The following CYSTM1 variants were observed in gnomAD, a reference collection of about 807,000 sequenced individuals.
The protein encoded by CYSTM1 is cysteine rich transmembrane module containing 1, also known as cysteine-rich transmembrane module-containing protein 1.
In CYSTM1, 4 loss-of-function variants were observed where a neutral mutation model predicts 13.1. The observed-to-expected ratio is 0.31, with a 90% CI of 0.15 to 0.70. CYSTM1 has a LOEUF of 0.70. CYSTM1 is among the 30% of genes least tolerant of loss of function. The pLI, the probability that CYSTM1 is intolerant of heterozygous loss-of-function variation, is 0.72. For synonymous variants in CYSTM1, 36 were observed against 42.7 expected, an observed-to-expected ratio of 0.84 and a Z score of 0.62; for missense variants, 96 against 121.6, an observed-to-expected ratio of 0.79 and a Z score of 0.99.
intron 1 of CYSTM1, among the ~76,000 whole-genome samples, chr5:140,186,580 T>C (rs1764017671): frequency 6.6e-6 from 1 of 152,240 alleles, no homozygotes; most frequent in South Asian, 2.1e-4. Context: ...TACAGTACGC[T>C]CTGCTTCCTC....
intron 2 of CYSTM1, among the ~76,000 whole-genome samples, chr5:140,208,634 C>CA (rs1764326565): frequency 2.0e-5 from 3 of 152,158 alleles, no homozygotes; most frequent in Admixed American, 2.0e-4. Flanking sequence ...AAGGATACCC[C>CA]ATTCTCTATG....
chr5:140,205,310 T>C (rs1199687776), intron 2 of CYSTM1, among the ~76,000 whole-genome samples: 1 of 152,226 alleles, frequency 6.6e-6, no homozygotes, highest in Non-Finnish European at 1.5e-5. Context: ...TTATGCTGCT[T>C]TCATTAGTCA....
chr5:140,218,223 C>T (rs1403243141), intron 2 of CYSTM1, among the ~76,000 whole-genome samples: 1 of 152,138 alleles, frequency 6.6e-6, no homozygotes, highest in Non-Finnish European at 1.5e-5. Flanking sequence ...GATAAACAGA[C>T]ATCTCTTTTT....
intron 1 of CYSTM1, among the ~76,000 whole-genome samples, chr5:140,178,027 A>G (rs914734362): frequency 1.3e-5 from 2 of 152,164 alleles, no homozygotes; most frequent in African/African-American, 4.8e-5. Flanking sequence ...ATTGGTAGAG[A>G]ACTTAAGACT....
chr5:140,226,581 A>G (rs1357583008), intron 2 of CYSTM1, among the ~76,000 whole-genome samples: 1 of 72,842 alleles, frequency 1.4e-5, no homozygotes, highest in Non-Finnish European at 2.7e-5. Flanking sequence ...ATTATATACT[A>G]AATATTATAT....
intron 2 of CYSTM1, chr5:140,200,578 T>TTTTTTTTTTTG (rs1764214608): frequency 1.7e-5 from 2 of 116,178 alleles, no homozygotes; most frequent in Non-Finnish European, 3.7e-5. Flanking sequence ...TTTTTTTTTT[T>TTTTTTTTTTTG]GAGGCAGAGT....
Position 140,224,521 on chromosome 5 carries a change from TTTTTTC to T in CYSTM1, c.188-18779_188-18774del, listed in dbSNP as rs1428624502. Among the ~76,000 whole-genome samples, 4 of 152,152 alleles carry T rather than the reference TTTTTTC, an allele frequency of 2.6e-5. No individual in the cohort carries two copies. The East Asian group carries it at 5.8e-4, about 22-fold the overall frequency. ...TATTTATGCAATAGGCATTGTTTCT[TTTTTTC>T]TTTTATTTTTGGAGACAGGGTCTTT... On this transcript the variant is annotated intron_variant, in intron 2 of 2. Transcript: ENST00000261811.
chr5:140,176,550 C>G (rs1216338688), intron 1 of CYSTM1, among the ~76,000 whole-genome samples: 1 of 152,130 alleles, frequency 6.6e-6, no homozygotes, highest in Non-Finnish European at 1.5e-5. Flanking sequence ...GCTATGCCCC[C>G]CTCAGTATGC....
At chr5:140,228,319 T>C (rs937283900) in intron 2 of CYSTM1, among the ~76,000 whole-genome samples, 2 of 152,182 alleles carry the variant, frequency 1.3e-5, no homozygotes, top group Non-Finnish European at 2.9e-5. Context: ...ATGATAATAA[T>C]ACAGAGCTGT....
At chr5:140,220,260 T>C (rs1312948938) in intron 2 of CYSTM1, among the ~76,000 whole-genome samples, 1 of 152,210 alleles carries the variant, frequency 6.6e-6, no homozygotes, top group Non-Finnish European at 1.5e-5. Context: ...GGCAAGGGAC[T>C]GTCAGGCCAT....
intron 2 of CYSTM1, among the ~76,000 whole-genome samples, chr5:140,234,326 C>A (rs1424021209): frequency 1.3e-5 from 2 of 152,168 alleles, no homozygotes; most frequent in African/African-American, 4.8e-5. Context: ...TTTGCCAATA[C>A]CATTAACCGG....
rs180939512 is a variant in CYSTM1 at position 140,239,688 on chromosome 5, C to T, written c.188-3617C>T. On this transcript the variant is annotated intron_variant, in intron 2 of 2. Coordinates refer to ENST00000261811, the MANE Select transcript of CYSTM1 (RefSeq NM_032412.4). The surrounding 1 kb of genome is among the most constrained non-coding windows in gnomAD (Gnocchi z 5.4). ...GTGTGCTCACGCACCTCTCCCTGCA[C>T]GTTCCCCACCCCACACTTGTGTTTG... Among the ~76,000 whole-genome samples the T allele has an allele frequency of 1.4e-3, 218 of 152,312 alleles. 3 individuals are homozygous for T. The highest frequency in any genetic ancestry group is 6.5e-4 in the African/African-American group (27 of 41,580).
rs776246385 is a variant in CYSTM1, at chr5:140,243,364, T to A, written c.247T>A (p.Cys83Ser). The change falls in exon 3 of 3, where the codon TGC (cysteine) becomes AGC (serine). Residue 83 changes from cysteine (C) to serine (S), a missense_variant. Physicochemically the swap from Cys to Ser is moderately radical, Grantham distance 112. Transcript: ENST00000261811. ...ELGPSTCLTA[C>S]WTALCCCCLW... ...AGGACCATCCACCTGCCTCACAGCC[T>A]GCTGGACGGCTCTCTGTTGCTGCTG... 6.2e-7 allele frequency: 1 copy of A among 1,614,150 alleles called. No individual in the cohort carries two copies. The highest frequency in any genetic ancestry group is 2.2e-5 in the East Asian group (1 of 44,884).
chr5:140,198,102 T>C (rs1764177542), intron 2 of CYSTM1, among the ~76,000 whole-genome samples: 1 of 152,242 alleles, frequency 6.6e-6, no homozygotes, highest in African/African-American at 2.4e-5. Flanking sequence ...GTCAAGGATC[T>C]CCTGGGTGGT....
At chr5:140,192,561 TA>T (rs1764106342) in intron 1 of CYSTM1, among the ~76,000 whole-genome samples, 1 of 152,208 alleles carries the variant, frequency 6.6e-6, no homozygotes, top group African/African-American at 2.4e-5. Context: ...CACTTAATCT[TA>T]AAACTGGCTC....
intron 1 of CYSTM1, among the ~76,000 whole-genome samples, chr5:140,186,722 C>A (rs1186264216): frequency 6.6e-6 from 1 of 152,154 alleles, no homozygotes; most frequent in East Asian, 1.9e-4. Flanking sequence ...AGTTGATGCT[C>A]CTATAAGTAT....
At chr5:140,197,639 C>T (rs1249143928) in intron 2 of CYSTM1, among the ~76,000 whole-genome samples, 3 of 152,148 alleles carry the variant, frequency 2.0e-5, no homozygotes, top group Non-Finnish European at 4.4e-5. Context: ...GATTCTCAGT[C>T]AGAATTATGT....
At chr5:140,196,437 T>G (rs1764160136) in intron 2 of CYSTM1, among the ~76,000 whole-genome samples, 1 of 152,240 alleles carries the variant, frequency 6.6e-6, no homozygotes, top group Admixed American at 6.5e-5. Context: ...TTCTCTAGAA[T>G]AAGAATTTTG....
chr5:140,243,236 G>C (rs1764772965), intron 2 of CYSTM1, 69 bp from the exon 3 acceptor site: 3 of 1,306,176 alleles, frequency 2.3e-6, no homozygotes, highest in African/African-American at 2.9e-5. Flanking sequence ...GTGGTCCTGG[G>C]AGGCTAACTT....
Sources: allele counts gnomAD v4.1 joint callset (sites outside exome capture counted in the v4.1 genomes callset), GRCh38; gene constraint gnomAD v4.1.1; non-coding constraint Gnocchi (gnomAD v3.1); transcripts MANE v1.5; gene names NCBI Gene and HGNC (gene_info 2026-07-23, HGNC 2026-07-21).